Variants in USP47 observed in about 807,000 individuals in gnomAD.
USP47 encodes the protein ubiquitin carboxyl-terminal hydrolase 47.
USP47 carries 35 observed loss-of-function variants against 165.1 expected under a neutral mutation model. That is an observed-to-expected ratio of 0.21 (90% CI 0.16 to 0.28). The LOEUF is 0.28. Ranked by LOEUF, USP47 falls within the 10% of genes least tolerant of loss-of-function variation. USP47 has a pLI of 1.00. For missense variants in USP47, 1,277 were observed against 1,607.4 expected (o/e 0.79, Z 3.52); for synonymous variants, 531 against 544.5 (o/e 0.98, Z 0.35).
At chr11:11,922,645 C>A in intron 10 of USP47, 79 bp from the exon 11 acceptor site, 1 of 1,032,698 alleles carries the variant, frequency 9.7e-7, no homozygotes, top group Non-Finnish European at 1.3e-6. Flanking sequence ...AAAATATTAG[C>A]AGTATATAGG....
intron 1 of USP47, among the ~76,000 whole-genome samples, chr11:11,845,246 A>G (rs962625922): frequency 1.3e-5 from 2 of 152,268 alleles, no homozygotes; most frequent in East Asian, 3.9e-4. Flanking sequence ...CTTCCAGCTT[A>G]TCTCTTCTCC....
intron 11 of USP47, among the ~76,000 whole-genome samples, chr11:11,929,097 A>G (rs1442403349): frequency 1.3e-5 from 2 of 152,108 alleles, no homozygotes; most frequent in African/African-American, 4.8e-5. Context: ...TCGACTGTGT[A>G]TTTTAGAACA....
chr11:11,859,025 G>GT (rs1273447916), intron 1 of USP47, among the ~76,000 whole-genome samples: 4 of 151,866 alleles, frequency 2.6e-5, no homozygotes, highest in South Asian at 2.1e-4. Context: ...GGCAGTGTCA[G>GT]TTTTTTTTAA....
intron 1 of USP47, among the ~76,000 whole-genome samples, chr11:11,863,708 A>G (rs1197911609): frequency 6.6e-6 from 1 of 152,154 alleles, no homozygotes; most frequent in African/African-American, 2.4e-5. Flanking sequence ...ATTATTTCTC[A>G]TGCTATGTAA....
intron 1 of USP47, among the ~76,000 whole-genome samples, chr11:11,844,815 G>A (rs1044755197): frequency 1.3e-5 from 2 of 151,978 alleles, no homozygotes; most frequent in Non-Finnish European, 2.9e-5. Flanking sequence ...GCGTGCGTGT[G>A]TTGGAGTGTA....
chr11:11,951,588 A>G (rs1285869291), intron 24 of USP47: 1 of 152,150 alleles, frequency 6.6e-6, no homozygotes, highest in African/African-American at 2.4e-5. Context: ...GGAAAATTTT[A>G]ATTTTCCTTT....
chr11:11,902,957 TA>T (rs1205261457), intron 6 of USP47, 97 bp downstream of exon 6: 1 of 1,297,704 alleles, frequency 7.7e-7, no homozygotes, highest in African/African-American at 1.5e-5. Context: ...ACCTTTATCT[TA>T]AACCTTTCAT....
At chr11:11,887,686 A>C (rs1851251142) in intron 3 of USP47, among the ~76,000 whole-genome samples, 1 of 152,148 alleles carries the variant, frequency 6.6e-6, no homozygotes, top group South Asian at 2.1e-4. Context: ...AAATTAACAA[A>C]GATATTCAGT....
chr11:11,922,019 A>G (rs1853873291), intron 10 of USP47, among the ~76,000 whole-genome samples: 1 of 151,944 alleles, frequency 6.6e-6, no homozygotes, highest in Non-Finnish European at 1.5e-5. Flanking sequence ...TGCCTTATAC[A>G]TTTCAAAAGC....
chr11:11,880,132 G>A, intron 1 of USP47, 45 bp from the exon 2 acceptor site: 1 of 1,304,674 alleles, frequency 7.7e-7, no homozygotes. Flanking sequence ...CTTTTGTTTT[G>A]CTTTAAAGAT....
intron 1 of USP47, among the ~76,000 whole-genome samples, chr11:11,860,995 G>A (rs1289695249): frequency 2.0e-5 from 3 of 152,160 alleles, no homozygotes; most frequent in Non-Finnish European, 2.9e-5. Flanking sequence ...CAAATGTGAC[G>A]TTGGGCAGGT....
At chr11:11,920,626 TTTTCTA>T in intron 10 of USP47, 132 bp downstream of exon 10, 1 of 756,228 alleles carries the variant, frequency 1.3e-6, no homozygotes, top group Admixed American at 3.9e-5. Flanking sequence ...TTCTTTCTTA[TTTTCTA>T]ATGTGGAATT....
At chr11:11,897,889 A>G (rs1170394836) in intron 5 of USP47, among the ~76,000 whole-genome samples, 196 bp downstream of exon 5, 3 of 152,190 alleles carry the variant, frequency 2.0e-5, no homozygotes, top group Non-Finnish European at 4.4e-5. Context: ...AGAGAGAATC[A>G]GAAGTATATA....
intron 1 of USP47, among the ~76,000 whole-genome samples, chr11:11,852,077 A>T (rs764994323): frequency 2.0e-5 from 3 of 152,188 alleles, no homozygotes; most frequent in Non-Finnish European, 4.4e-5. Flanking sequence ...CAGGCAGGTC[A>T]AACTTTAAAA....
intron 1 of USP47, among the ~76,000 whole-genome samples, chr11:11,852,365 T>G (rs1564850620): frequency 6.6e-6 from 1 of 152,190 alleles, no homozygotes; most frequent in African/African-American, 2.4e-5. Flanking sequence ...TGGATTATAA[T>G]CCAATTCTAT....
chr11:11,950,526 C>G (rs1194771477), intron 24 of USP47, 44 bp downstream of exon 24: 2 of 1,264,800 alleles, frequency 1.6e-6, no homozygotes, highest in Non-Finnish European at 2.2e-6. Context: ...TAGAAATACT[C>G]TAGAACTAAT....
At chr11:11,918,569 C>T (rs1002864684) in intron 8 of USP47, among the ~76,000 whole-genome samples, 1 of 151,932 alleles carries the variant, frequency 6.6e-6, no homozygotes, top group Admixed American at 6.6e-5. Flanking sequence ...ATGGCTAAAA[C>T]AAAGATACAT....
At chr11:11,924,175 T>C (rs1368091504) in intron 11 of USP47, among the ~76,000 whole-genome samples, 3 of 152,218 alleles carry the variant, frequency 2.0e-5, no homozygotes. Context: ...TGAAAACTTT[T>C]ATCATGAATA....
At position 11,959,823 on chromosome 11, in the gene USP47, C is replaced by T. The variant is rs973357570; in HGVS notation, c.*3648C>T. Among the ~76,000 whole-genome samples, 3 of 152,116 alleles carry T rather than the reference C, an allele frequency of 2.0e-5. No individual in the cohort carries two copies. The highest frequency in any genetic ancestry group is 4.4e-5 in the Non-Finnish European group (3 of 68,026). On this transcript the variant is annotated 3_prime_UTR_variant, in exon 28 of 28. Transcript: ENST00000527733. ...AGAATTGATCTCAACTGAGTGTCAG[C>T]TCACCAGGTCAGAAATTGTTATTGG...
Sources: gnomAD v4.1 joint callset for allele counts (sites outside exome capture counted in the v4.1 genomes callset) on GRCh38, gnomAD v4.1.1 for gene constraint, MANE v1.5 for transcripts, NCBI Gene and HGNC (gene_info 2026-07-23, HGNC 2026-07-21) for gene names.